TMEM117: variants seen among roughly 807,000 people sequenced by gnomAD.
TMEM117 encodes transmembrane protein 117.
Under a neutral mutation model 52.4 loss-of-function variants are expected in TMEM117, and 27 were observed. The ratio of observed to expected loss-of-function variants is 0.51; its 90% CI spans 0.38 to 0.71. The LOEUF is 0.71. Among genes scored for constraint, TMEM117 ranks in the 30% least tolerant of loss-of-function variants. The pLI is 0.00. For missense variants in TMEM117, 556 were observed against 630.5 expected, an observed-to-expected ratio of 0.88 and a Z score of 1.26; for synonymous variants, 215 against 206.3, an observed-to-expected ratio of 1.04 and a Z score of -0.36.
At chr12:43,841,585 GC>G (rs1449750950) in intron 1 of TMEM117, among the ~76,000 whole-genome samples, 1 of 152,146 alleles carries the variant, frequency 6.6e-6, no homozygotes, top group Non-Finnish European at 1.5e-5. Flanking sequence ...ACATTACATA[GC>G]CCACGAAGCA....
upstream of TMEM117, among the ~76,000 whole-genome samples, chr12:43,835,812 CCCGCGGG>C (rs1452459580): frequency 6.6e-6 from 1 of 151,876 alleles, no homozygotes; most frequent in Non-Finnish European, 1.5e-5. Context: ...GCGCACGCGG[CCCGCGGG>C]CTGGAGTCAG....
intron 4 of TMEM117, among the ~76,000 whole-genome samples, chr12:44,159,286 C>A (rs1449785630): frequency 6.6e-6 from 1 of 152,114 alleles, no homozygotes; most frequent in Non-Finnish European, 1.5e-5. Flanking sequence ...TTAGCATTTC[C>A]TTTCCTTTGA....
At chr12:43,884,168 A>G (rs1943949878) in intron 2 of TMEM117, among the ~76,000 whole-genome samples, 1 of 151,620 alleles carries the variant, frequency 6.6e-6, no homozygotes, top group Non-Finnish European at 1.5e-5. Flanking sequence ...GAAAGATTGT[A>G]TTACTCTATT....
At chr12:43,849,588 A>G (rs1270944086) in intron 2 of TMEM117, among the ~76,000 whole-genome samples, 2 of 152,274 alleles carry the variant, frequency 1.3e-5, no homozygotes, top group Admixed American at 6.5e-5. Context: ...TGATTTATTG[A>G]GTACAAATTA....
At chr12:43,813,019 G>A in the TMEM117 span, among the ~76,000 whole-genome samples, 1 of 125,986 alleles carries the variant, frequency 7.9e-6, no homozygotes, top group African/African-American at 3.2e-5. Flanking sequence ...AAAAAAAAAA[G>A]CAGCAGCAGC....
intron 3 of TMEM117, among the ~76,000 whole-genome samples, chr12:43,947,599 A>G (rs981083053): frequency 2.0e-5 from 3 of 152,202 alleles, no homozygotes; most frequent in African/African-American, 7.2e-5. Flanking sequence ...GCACACAGAC[A>G]TCACAAGTAA....
chr12:43,929,879 T>C (rs1017428443), intron 2 of TMEM117, among the ~76,000 whole-genome samples: 2 of 152,186 alleles, frequency 1.3e-5, no homozygotes, highest in Non-Finnish European at 2.9e-5. Flanking sequence ...GCACCATCAC[T>C]GAGTCTGCTT....
intron 5 of TMEM117, among the ~76,000 whole-genome samples, chr12:44,293,207 A>G (rs1950726370): frequency 2.0e-5 from 3 of 152,020 alleles, no homozygotes; most frequent in Admixed American, 2.0e-4. Flanking sequence ...TTTTGACTGA[A>G]AGTCCATTCT....
intron 2 of TMEM117, among the ~76,000 whole-genome samples, chr12:43,943,923 T>C (rs762288837): frequency 2.0e-5 from 3 of 152,266 alleles, no homozygotes; most frequent in Non-Finnish European, 4.4e-5. Flanking sequence ...GTAATTCATC[T>C]TGTTTTCATG....
intron 4 of TMEM117, among the ~76,000 whole-genome samples, chr12:44,190,662 G>T (rs1949338984): frequency 6.6e-6 from 1 of 151,758 alleles, no homozygotes; most frequent in Admixed American, 6.6e-5. Flanking sequence ...AGCCAAAAAA[G>T]AAAAAAATAA....
At chr12:43,957,439 TTATATA>T (rs1945326999) in intron 3 of TMEM117, among the ~76,000 whole-genome samples, 1 of 152,302 alleles carries the variant, frequency 6.6e-6, no homozygotes, top group African/African-American at 2.4e-5. Flanking sequence ...GCTGCATTAT[TTATATA>T]TAGGAATGAA....
intron 6 of TMEM117, among the ~76,000 whole-genome samples, chr12:44,317,575 T>C (rs533560491): frequency 6.6e-4 from 101 of 152,230 alleles, no homozygotes; most frequent in African/African-American, 2.4e-3. Context: ...TTTGTATTTT[T>C]AGTAGAGACA....
chr12:44,100,204 T>G (rs1947837944), intron 3 of TMEM117, among the ~76,000 whole-genome samples: 1 of 151,996 alleles, frequency 6.6e-6, no homozygotes, highest in African/African-American at 2.4e-5. Context: ...CGGGTTATTT[T>G]ATGCCCCATA....
At chr12:43,947,946 A>G (rs1945159895) in intron 3 of TMEM117, among the ~76,000 whole-genome samples, 2 of 152,180 alleles carry the variant, frequency 1.3e-5, no homozygotes, top group Admixed American at 1.3e-4. Flanking sequence ...GGAATGGTAT[A>G]AATTTAATCT....
chr12:44,044,845 A>T (rs1946855742), intron 3 of TMEM117, among the ~76,000 whole-genome samples: 1 of 152,234 alleles, frequency 6.6e-6, no homozygotes. Context: ...GCATGAAAGG[A>T]GAAATGGCCA....
chr12:44,008,841 T>A, intron 3 of TMEM117: 3 of 445,516 alleles, frequency 6.7e-6, no homozygotes, highest in South Asian at 3.6e-5. Flanking sequence ...ATTTGGTATG[T>A]GTGTAGATTT....
At chr12:43,797,346 A>C in the TMEM117 span, 13 of 1,605,060 alleles carry the variant, frequency 8.1e-6, no homozygotes, top group Non-Finnish European at 1.1e-5. Flanking sequence ...TTTATACAGA[A>C]AGAAATGGTA....
chr12:44,341,878 C>T (rs548560223), intron 6 of TMEM117, among the ~76,000 whole-genome samples: 13 of 152,146 alleles, frequency 8.5e-5, no homozygotes, highest in African/African-American at 1.2e-4. Context: ...TGAAACAGAA[C>T]GCTAAGCAGT....
intron 3 of TMEM117, among the ~76,000 whole-genome samples, chr12:44,099,513 A>G (rs770526572): frequency 1.3e-4 from 20 of 152,212 alleles, no homozygotes; most frequent in Admixed American, 7.9e-4. Flanking sequence ...AGGGTGTCTA[A>G]AACTTTAAAA....
Sources: gnomAD v4.1 joint callset for allele counts (sites outside exome capture counted in the v4.1 genomes callset) on GRCh38, gnomAD v4.1.1 for gene constraint, MANE v1.5 for transcripts, NCBI Gene and HGNC (gene_info 2026-07-23, HGNC 2026-07-21) for gene names.